NPAS3: variants seen among roughly 807,000 people sequenced by gnomAD.
NPAS3 encodes the protein neuronal PAS domain protein 3.
A neutral mutation model predicts 73.1 loss-of-function variants in NPAS3; 14 were observed. The observed-to-expected ratio is 0.19, with a 90% CI of 0.13 to 0.30. The LOEUF is 0.30. Among genes scored for constraint, NPAS3 ranks in the 10% least tolerant of loss-of-function variants. NPAS3 has a pLI of 1.00. For missense variants in NPAS3, 1,096 were observed against 1,250.0 expected (o/e 0.88, Z 1.86); for synonymous variants, 620 against 541.5 (o/e 1.14, Z -2.01).
At chr14:33,641,430 T>C (rs554501779) in intron 5 of NPAS3, among the ~76,000 whole-genome samples, 47 of 152,336 alleles carry the variant, frequency 3.1e-4, no homozygotes, top group South Asian at 2.9e-3. Flanking sequence ...AGGGCTTTTG[T>C]AGATTAGCCT....
chr14:33,447,656 G>A (rs541931457), intron 4 of NPAS3, among the ~76,000 whole-genome samples: 51 of 152,182 alleles, frequency 3.4e-4, no homozygotes, highest in Non-Finnish European at 6.6e-4. Flanking sequence ...GCACATACCT[G>A]TAATGCCAGT....
Position 33,461,741 on chromosome 14 carries a change from T to C in NPAS3, c.468+94473T>C, listed in dbSNP as rs187745191. Among the ~76,000 whole-genome samples the C allele has an allele frequency of 3.1e-4, 47 of 152,372 alleles. 1 individual carries two copies. Among genetic ancestry groups the C allele is most frequent in the African/African-American group, 1.1e-3 (45 of 41,586 alleles). On this transcript the variant is annotated intron_variant, in intron 4 of 11. Transcript: ENST00000356141. ...GATAAGGTTATGGATATAGGATAGA[T>C]AATACTTCTTAAGCAACCCCGAAGA...
chr14:32,958,230 A>C (rs1010689260), intron 1 of NPAS3, among the ~76,000 whole-genome samples: 4 of 152,154 alleles, frequency 2.6e-5, no homozygotes, highest in Non-Finnish European at 5.9e-5. Context: ...CCCCCAAATA[A>C]CTGAATGCTT....
chr14:33,196,880 G>A (rs905021888), intron 2 of NPAS3, among the ~76,000 whole-genome samples: 1 of 152,056 alleles, frequency 6.6e-6, no homozygotes, highest in Non-Finnish European at 1.5e-5. Flanking sequence ...GCCAAATCAG[G>A]TATCCTTGTG....
chr14:33,543,944 T>TGC, intron 4 of NPAS3, among the ~76,000 whole-genome samples: 1 of 76,890 alleles, frequency 1.3e-5, no homozygotes, highest in Non-Finnish European at 2.5e-5. Context: ...TATGGCAAAG[T>TGC]GCATATATAT....
chr14:33,475,602 A>C (rs935477464), intron 4 of NPAS3, among the ~76,000 whole-genome samples: 1 of 151,782 alleles, frequency 6.6e-6, no homozygotes, highest in African/African-American at 2.4e-5. Context: ...AGCAGATACT[A>C]GTTCAAGAAC....
chr14:33,238,468 A>G (rs1566711693), intron 3 of NPAS3, among the ~76,000 whole-genome samples: 1 of 152,036 alleles, frequency 6.6e-6, no homozygotes, highest in Non-Finnish European at 1.5e-5. Flanking sequence ...GTTTCAGATT[A>G]AGTAGATCAT....
intron 4 of NPAS3, among the ~76,000 whole-genome samples, chr14:33,498,068 G>T (rs2052301454): frequency 6.6e-6 from 1 of 152,132 alleles, no homozygotes; most frequent in Non-Finnish European, 1.5e-5. Flanking sequence ...AGACTTTTAT[G>T]TGGCCAACAA....
intron 7 of NPAS3, among the ~76,000 whole-genome samples, chr14:33,738,280 C>A (rs1417951988): frequency 6.6e-6 from 1 of 152,212 alleles, no homozygotes; most frequent in Non-Finnish European, 1.5e-5. Flanking sequence ...AGAATCGAAT[C>A]CTCCAAGGCT....
chr14:33,756,523 G>A (rs2062120664), intron 7 of NPAS3, among the ~76,000 whole-genome samples: 1 of 152,214 alleles, frequency 6.6e-6, no homozygotes, highest in African/African-American at 2.4e-5. Flanking sequence ...AGAGAGCACT[G>A]AGCTTGGAGG....
chr14:32,939,043 G>A (rs1299214754), upstream of NPAS3, among the ~76,000 whole-genome samples: 7 of 145,730 alleles, frequency 4.8e-5, no homozygotes, highest in South Asian at 2.1e-4. Flanking sequence ...CCGGCGGCGC[G>A]AGGGGACGGC....
intron 6 of NPAS3, among the ~76,000 whole-genome samples, chr14:33,688,059 G>T (rs1314580189): frequency 6.6e-6 from 1 of 152,158 alleles, no homozygotes; most frequent in Admixed American, 6.5e-5. Flanking sequence ...CCTCATAACT[G>T]CTCTGCAAGA....
intron 4 of NPAS3, among the ~76,000 whole-genome samples, chr14:33,375,641 A>G (rs1306969872): frequency 7.2e-5 from 11 of 152,194 alleles, no homozygotes; most frequent in Admixed American, 7.2e-4. Context: ...GAAAGAATGA[A>G]AAAGAAAAGT....
chr14:33,276,778 C>T (rs1185762221), intron 3 of NPAS3, among the ~76,000 whole-genome samples: 3 of 151,894 alleles, frequency 2.0e-5, no homozygotes, highest in Non-Finnish European at 2.9e-5. Flanking sequence ...TTTTCTCATG[C>T]TTTAAGATAA....
chr14:33,061,696 G>A (rs952164792), intron 2 of NPAS3, among the ~76,000 whole-genome samples: 2 of 152,196 alleles, frequency 1.3e-5, no homozygotes, highest in South Asian at 2.1e-4. Flanking sequence ...CATCACCCAC[G>A]GGTCAGGTGC....
chr14:33,582,970 G>GTTTTTTT (rs55885070), intron 5 of NPAS3, among the ~76,000 whole-genome samples: 9 of 93,298 alleles, frequency 9.6e-5, no homozygotes, highest in African/African-American at 4.7e-4. Flanking sequence ...TATTTAAAGG[G>GTTTTTTT]TTTTTTTTTT....
At chr14:33,606,870 G>T (rs1595263184) in intron 5 of NPAS3, among the ~76,000 whole-genome samples, 1 of 152,026 alleles carries the variant, frequency 6.6e-6, no homozygotes, top group South Asian at 2.1e-4. Flanking sequence ...AATACACAAA[G>T]AACTCTCAAA....
intron 5 of NPAS3, among the ~76,000 whole-genome samples, chr14:33,597,316 C>T (rs1441553057): frequency 2.0e-5 from 3 of 152,162 alleles, no homozygotes; most frequent in Non-Finnish European, 4.4e-5. Context: ...TCCTGTAAGC[C>T]AGTATGGCTG....
At chr14:33,621,431 C>A (rs181938233) in intron 5 of NPAS3, among the ~76,000 whole-genome samples, 16 of 152,202 alleles carry the variant, frequency 1.1e-4, no homozygotes, top group African/African-American at 3.6e-4. Context: ...TTCTAATAGT[C>A]CTCATACCTT....
Sources: gnomAD v4.1 joint callset for allele counts (sites outside exome capture counted in the v4.1 genomes callset) on GRCh38, gnomAD v4.1.1 for gene constraint, MANE v1.5 for transcripts, NCBI Gene and HGNC (gene_info 2026-07-23, HGNC 2026-07-21) for gene names.